Variants in AAMDC observed in about 807,000 individuals in gnomAD.
The protein encoded by AAMDC is mth938 domain-containing protein.
In AAMDC, 16 loss-of-function variants were observed where a neutral mutation model predicts 15.5. That is an observed-to-expected ratio of 1.03 (90% CI 0.70 to 1.57). AAMDC has a LOEUF of 1.57. Ranked by LOEUF, AAMDC falls within the 40% of genes most tolerant of loss-of-function variation. The pLI is 0.00. For missense variants in AAMDC, 141 were observed against 144.9 expected (o/e 0.97, Z 0.14); for synonymous variants, 51 against 51.6 (o/e 0.99, Z 0.05).
At chr11:77,887,272 G>A (rs938743823) in intron 5 of AAMDC, among the ~76,000 whole-genome samples, 4 of 152,132 alleles carry the variant, frequency 2.6e-5, no homozygotes, top group Admixed American at 1.3e-4. Context: ...TTCAACATAC[G>A]AAAATCAATA....
At chr11:77,842,762 A>G in intron 2 of AAMDC, 134 bp downstream of exon 2, 1 of 1,259,204 alleles carries the variant, frequency 7.9e-7, no homozygotes, top group Non-Finnish European at 1.1e-6. Flanking sequence ...CATTAAATTC[A>G]CCCTTTTAAA....
At chr11:77,903,955 G>C (rs897867563), downstream of AAMDC, among the ~76,000 whole-genome samples, 1 of 152,156 alleles carries the variant, frequency 6.6e-6, no homozygotes, top group Non-Finnish European at 1.5e-5. Context: ...CTTGTTCCCA[G>C]AGCTACTGGA....
At chr11:77,867,518 G>A (rs1165100163) in intron 2 of AAMDC, among the ~76,000 whole-genome samples, 2 of 152,176 alleles carry the variant, frequency 1.3e-5, no homozygotes, top group Non-Finnish European at 2.9e-5. Flanking sequence ...TATTGCTACT[G>A]CTTAGAAATA....
At chr11:77,867,835 T>C (rs1951187648) in intron 2 of AAMDC, among the ~76,000 whole-genome samples, 1 of 152,042 alleles carries the variant, frequency 6.6e-6, no homozygotes, top group Non-Finnish European at 1.5e-5. Flanking sequence ...CTTTTCAGAG[T>C]GATTGGTAGG....
intron 2 of AAMDC, among the ~76,000 whole-genome samples, chr11:77,844,350 A>ACAGT (rs1950054109): frequency 6.6e-6 from 1 of 151,972 alleles, no homozygotes; most frequent in African/African-American, 2.4e-5. Flanking sequence ...ATTTTTTTTT[A>ACAGT]CAGTTTTTTC....
intron 1 of AAMDC, chr11:77,841,251 G>A (rs779278617): frequency 1.0e-5 from 7 of 702,108 alleles, no homozygotes; most frequent in South Asian, 3.0e-5. Context: ...TTGTTATAAT[G>A]GCAGTTAAAT....
At chr11:77,842,658 A>C in intron 2 of AAMDC, 30 bp downstream of exon 2, 1 of 1,609,144 alleles carries the variant, frequency 6.2e-7, no homozygotes, top group Middle Eastern at 1.7e-4. Context: ...TTGATACTAC[A>C]TGAGGCTGAC....
At chr11:77,894,203 G>A (rs1263089860) in intron 5 of AAMDC, 12 of 687,374 alleles carry the variant, frequency 1.7e-5, no homozygotes, top group Non-Finnish European at 2.5e-5. Context: ...ACCAAGGAAT[G>A]TGATTTGTGA....
intron 2 of AAMDC, among the ~76,000 whole-genome samples, chr11:77,858,302 C>CT (rs71473358): frequency 0.051 from 3,551 of 69,266 alleles, 209 homozygotes; most frequent in East Asian, 0.24. Context: ...TTAAGCAATT[C>CT]TTTTTTTTTT....
At chr11:77,902,074 A>G (rs1250204253), downstream of AAMDC, among the ~76,000 whole-genome samples, 6 of 152,200 alleles carry the variant, frequency 3.9e-5, no homozygotes, top group African/African-American at 1.4e-4. Flanking sequence ...GCTCGGTTCT[A>G]TCCAAATAAG....
intron 5 of AAMDC, among the ~76,000 whole-genome samples, chr11:77,900,353 C>A (rs113633525): frequency 2.0e-5 from 3 of 152,248 alleles, no homozygotes; most frequent in East Asian, 1.9e-4. Flanking sequence ...CCCACCTTGG[C>A]CTCCCAAAGT....
At chr11:77,838,352 A>G (rs1949783218) in intron 1 of AAMDC, among the ~76,000 whole-genome samples, 1 of 152,268 alleles carries the variant, frequency 6.6e-6, no homozygotes, top group South Asian at 2.1e-4. Context: ...TAGTGTATAT[A>G]TGAGATTATA....
At chr11:77,859,930 C>T (rs1414723436) in intron 2 of AAMDC, among the ~76,000 whole-genome samples, 1 of 152,148 alleles carries the variant, frequency 6.6e-6, no homozygotes, top group African/African-American at 2.4e-5. Context: ...GTATGCCGTT[C>T]ACATCATGAG....
chr11:77,870,589 A>G lies in AAMDC; in HGVS notation c.228+772A>G, dbSNP rs975068682. On this transcript the variant is annotated intron_variant, in intron 3 of 3. Transcript: ENST00000393427. ...CCTGACCTCGTGATCCACCTGCCTC[A>G]GCCTCCCAAAGTGTTGGGATTACGG... 4.6e-5 allele frequency among the ~76,000 whole-genome samples: 7 copies of G among 152,144 alleles called. No individual in the cohort carries two copies. In the East Asian group the frequency reaches 1.4e-3, roughly 29 times the overall value.
chr11:77,904,774 C>T (rs1952890747), downstream of AAMDC, among the ~76,000 whole-genome samples: 1 of 152,172 alleles, frequency 6.6e-6, no homozygotes, highest in African/African-American at 2.4e-5. Flanking sequence ...ATGTTGAAAT[C>T]CTCACATCCA....
At chr11:77,882,529 A>G (rs1951833517) in intron 5 of AAMDC, among the ~76,000 whole-genome samples, 1 of 152,212 alleles carries the variant, frequency 6.6e-6, no homozygotes, top group Admixed American at 6.5e-5. Flanking sequence ...TCCCTTCAGC[A>G]GAAGATATTA....
chr11:77,891,811 T>C (rs1952281777), intron 5 of AAMDC: 2 of 1,611,752 alleles, frequency 1.2e-6, no homozygotes, highest in Non-Finnish European at 1.7e-6. Flanking sequence ...AAAGCTGTCC[T>C]GCAAGTGGGG....
At chr11:77,899,038 T>A (rs999619942) in intron 5 of AAMDC, among the ~76,000 whole-genome samples, 16 of 151,942 alleles carry the variant, frequency 1.1e-4, no homozygotes, top group African/African-American at 2.9e-4. Context: ...ATAAATAAAA[T>A]AAATAAATGG....
intron 2 of AAMDC, among the ~76,000 whole-genome samples, chr11:77,843,912 A>G (rs1167434032): frequency 6.6e-6 from 1 of 152,182 alleles, no homozygotes; most frequent in Admixed American, 6.5e-5. Flanking sequence ...GCAGGCAAAG[A>G]GAGCTTGTGC....
Sources: allele counts gnomAD v4.1 joint callset (sites outside exome capture counted in the v4.1 genomes callset), GRCh38; gene constraint gnomAD v4.1.1; transcripts MANE v1.5; gene names NCBI Gene and HGNC (gene_info 2026-07-23, HGNC 2026-07-21).